The following ANO2 variants were observed in gnomAD, a reference collection of about 807,000 sequenced individuals.
ANO2 encodes anoctamin 2, also known as anoctamin-2.
Under a neutral mutation model 124.2 loss-of-function variants are expected in ANO2, and 101 were observed. That is an observed-to-expected ratio of 0.81 (90% CI 0.69 to 0.96). The LOEUF is 0.96. ANO2 is among the 40% of genes least tolerant of loss of function. The probability of loss-of-function intolerance (pLI) is 0.00; values close to 1 mark genes in which losing one functional copy is unlikely to be tolerated. For missense variants in ANO2, 1,293 were observed against 1,274.5 expected (o/e 1.01, Z -0.22); for synonymous variants, 486 against 482.5 (o/e 1.01, Z -0.09).
At chr12:5,577,519 C>T (rs1204616093) in intron 22 of ANO2, among the ~76,000 whole-genome samples, 3 of 152,136 alleles carry the variant, frequency 2.0e-5, no homozygotes, top group African/African-American at 7.2e-5. Context: ...CCAGAGTCCA[C>T]GGGGATAATT....
At chr12:5,858,460 T>G (rs1460104975) in intron 3 of ANO2, among the ~76,000 whole-genome samples, 1 of 152,194 alleles carries the variant, frequency 6.6e-6, no homozygotes, top group Non-Finnish European at 1.5e-5. Context: ...GAGATTCAAA[T>G]AGAATCAGTA....
At chr12:5,686,212 T>TG (rs1948701157) in intron 14 of ANO2, among the ~76,000 whole-genome samples, 1 of 152,304 alleles carries the variant, frequency 6.6e-6, no homozygotes, top group East Asian at 1.9e-4. Context: ...AAAGCATACT[T>TG]GTGCTCTTAC....
rs536612689 is a variant in ANO2 at position 5,633,858 on chromosome 12, G to A, written c.1816+1294C>T. On this transcript the variant is annotated intron_variant, in intron 16 of 24. Transcript: ENST00000682330. ...GGATCTGATCACTCCCTTCAGTGCC[G>A]TGTTTCTCACTTGGTTTCCTTTGCC... Among the ~76,000 whole-genome samples the A allele has an allele frequency of 2.0e-5, 3 of 152,164 alleles. 1 individual carries two copies. The South Asian group carries it at 6.2e-4, about 32-fold the overall frequency.
In ANO2 at chr12:5,675,311, G is replaced by A. The variant is rs552714513; in HGVS notation, c.1546-27510C>T. Among the ~76,000 whole-genome samples, 7 of 152,152 alleles carry A rather than the reference G, an allele frequency of 4.6e-5. No homozygotes were observed. In the East Asian group the frequency reaches 9.7e-4, roughly 21 times the overall value. Reference sequence around the variant, plus strand: ...CTCATCATACCCATCTCTTCCCATCGTGCTTCCATGATACACACAGTCTCT... The same window carrying A: ...CTCATCATACCCATCTCTTCCCATCATGCTTCCATGATACACACAGTCTCT... On this transcript the variant is annotated intron_variant, in intron 14 of 24. Coordinates refer to ENST00000682330, the MANE Select transcript of ANO2 (RefSeq NM_001364791.2).
At chr12:5,745,950 A>C (rs1430898924) in intron 11 of ANO2, among the ~76,000 whole-genome samples, 2 of 152,202 alleles carry the variant, frequency 1.3e-5, no homozygotes, top group African/African-American at 4.8e-5. Flanking sequence ...TTCAGAGAGG[A>C]AAGTACCCCC....
intron 4 of ANO2, among the ~76,000 whole-genome samples, chr12:5,838,349 A>G (rs1392782452): frequency 1.3e-5 from 2 of 152,208 alleles, no homozygotes; most frequent in African/African-American, 4.8e-5. Context: ...TCATGGTAAC[A>G]TCAACTGCAT....
chr12:5,769,028 C>T lies in ANO2; in HGVS notation c.1056-18058G>A, dbSNP rs1384824790. 6.6e-6 allele frequency among the ~76,000 whole-genome samples: 1 copy of T among 152,140 alleles called. No individual in the cohort carries two copies. Among genetic ancestry groups the T allele is most frequent in the Non-Finnish European group, 1.5e-5 (1 of 68,048 alleles). ...GGATGGCAGCGCTGTGGAAGCTGGG[C>T]TTAGCTTATGTCCTGACAGCTGGAA... is the stretch of plus-strand genomic sequence containing the variant. On this transcript the variant is annotated intron_variant, in intron 10 of 24. Transcript: ENST00000682330. This position sits in a 1 kb window ranked among gnomAD's most constrained non-coding sequence, Gnocchi z 4.0.
At chr12:5,693,517 G>A (rs1281472891) in intron 14 of ANO2, among the ~76,000 whole-genome samples, 3 of 151,978 alleles carry the variant, frequency 2.0e-5, no homozygotes, top group African/African-American at 4.8e-5. Flanking sequence ...CCGCCCCCAC[G>A]GTCTAGTCTC....
chr12:5,614,537 G>A (rs1366821532), intron 17 of ANO2, among the ~76,000 whole-genome samples: 2 of 152,188 alleles, frequency 1.3e-5, no homozygotes, highest in Admixed American at 1.3e-4. Context: ...TGAGGACATG[G>A]AAGCTTCATG....
At chr12:5,577,815 G>C in intron 22 of ANO2, 140 bp downstream of exon 22, 1 of 788,292 alleles carries the variant, frequency 1.3e-6, no homozygotes. Context: ...TTTGTGAGCT[G>C]TTAACCAGAG....
intron 14 of ANO2, among the ~76,000 whole-genome samples, chr12:5,663,018 T>C (rs913671205): frequency 6.6e-6 from 1 of 152,220 alleles, no homozygotes; most frequent in African/African-American, 2.4e-5. Flanking sequence ...CTATAACACA[T>C]ACTGCTCAGT....
At position 5,739,336 on chromosome 12, in the gene ANO2, G is replaced by C. The variant is rs796498428; in HGVS notation, c.1415C>G (p.Thr472Ser). 1.2e-6 allele frequency: 2 copies of C among 1,605,592 alleles called. No homozygotes were observed. Among genetic ancestry groups the C allele is most frequent in the Non-Finnish European group, 8.5e-7 (1 of 1,176,096 alleles). Reference sequence around the variant, plus strand: ...ACTCACTTCTTCCTCTTCTATGCCAGTCAGGTCCCAAAAGTAGCCCAGTCG... The same window carrying C: ...ACTCACTTCTTCCTCTTCTATGCCACTCAGGTCCCAAAAGTAGCCCAGTCG... ...QMRLGYFWDLTGIEEEEEHSR... is the reference protein window; with the variant it reads ...QMRLGYFWDLSGIEEEEEHSR... The change falls in exon 13 of 25, where the codon ACT becomes AGT. Residue 472 changes from threonine (T) to serine (S), a missense_variant. Thr to Ser is a moderately conservative substitution (Grantham distance 58). Coordinates refer to ENST00000682330, the MANE Select transcript of ANO2 (RefSeq NM_001364791.2).
In ANO2 at chr12:5,744,357, G is replaced by A. The variant is rs748681579; in HGVS notation, c.1191-40C>T. Reference sequence around the variant, plus strand: ...GGTTGTTGGGTCAGGTGGAGCTCAAGCATGGTCCACTCCAAGAAAAATACA... The same window carrying A: ...GGTTGTTGGGTCAGGTGGAGCTCAAACATGGTCCACTCCAAGAAAAATACA... On this transcript the variant is annotated intron_variant, in intron 11 of 24. Coordinates refer to ENST00000682330, the MANE Select transcript of ANO2 (RefSeq NM_001364791.2). 4 of 1,609,602 alleles carry A rather than the reference G, an allele frequency of 2.5e-6. No homozygotes were observed. In the South Asian group the frequency reaches 3.3e-5, roughly 13 times the overall value.
chr12:5,697,355 C>A lies in ANO2; in HGVS notation c.1545+35165G>T, dbSNP rs180729317. Among the ~76,000 whole-genome samples, 4 of 152,098 alleles carry A rather than the reference C, an allele frequency of 2.6e-5. No homozygotes were observed. In the East Asian group the frequency reaches 7.7e-4, roughly 29 times the overall value. ...GCTGAAGCAGGAGAATGGCATGAAC[C>A]CAGGAGGTGGAACTTGCAGTGAGCC... is the stretch of plus-strand genomic sequence containing the variant. On this transcript the variant is annotated intron_variant, in intron 14 of 24. Transcript: ENST00000682330.
At chr12:5,722,350 C>A (rs1950264498) in intron 14 of ANO2, among the ~76,000 whole-genome samples, 1 of 151,978 alleles carries the variant, frequency 6.6e-6, no homozygotes, top group Non-Finnish European at 1.5e-5. Flanking sequence ...ATTAAAAATA[C>A]AAAAAAATTA....
intron 13 of ANO2, among the ~76,000 whole-genome samples, chr12:5,738,895 A>C (rs1377854370): frequency 5.9e-5 from 9 of 152,086 alleles, no homozygotes; most frequent in Non-Finnish European, 1.3e-4. Flanking sequence ...TTCTTTCTTC[A>C]TTCACAGACA....
chr12:5,923,747 A>G (rs1472527337), intron 1 of ANO2, among the ~76,000 whole-genome samples: 1 of 152,210 alleles, frequency 6.6e-6, no homozygotes, highest in Non-Finnish European at 1.5e-5. Flanking sequence ...GAGAGTAGAT[A>G]GTCCAGCTGC....
In ANO2 at chr12:5,908,011, C is replaced by T. The variant is rs979412344; in HGVS notation, c.534+13029G>A. 3.3e-5 allele frequency among the ~76,000 whole-genome samples: 5 copies of T among 152,232 alleles called. No individual in the cohort carries two copies. The highest frequency in any genetic ancestry group is 1.9e-4 in the East Asian group (1 of 5,202). On this transcript the variant is annotated intron_variant, in intron 3 of 24. Coordinates refer to ENST00000682330, the MANE Select transcript of ANO2 (RefSeq NM_001364791.2). This position sits in a 1 kb window ranked among gnomAD's most constrained non-coding sequence, Gnocchi z 4.7. The stretch of plus-strand genomic sequence containing the variant: ...CAACCTCCCCAACTCCACAATGCAC[C>T]GTGAGAGCAGTACATAGCAACACAC...
chr12:5,704,289 A>C (rs537251939), intron 14 of ANO2, among the ~76,000 whole-genome samples: 39 of 152,348 alleles, frequency 2.6e-4, no homozygotes, highest in Admixed American at 1.6e-3. Context: ...TAGAATCTGC[A>C]TCCACCCCGC....
Sources: allele counts gnomAD v4.1 joint callset (sites outside exome capture counted in the v4.1 genomes callset), GRCh38; gene constraint gnomAD v4.1.1; non-coding constraint Gnocchi (gnomAD v3.1); transcripts MANE v1.5; gene names NCBI Gene and HGNC (gene_info 2026-07-23, HGNC 2026-07-21).